The following LGSN variants were observed in gnomAD, a reference collection of about 807,000 sequenced individuals.
The protein encoded by LGSN is lengsin.
Under a neutral mutation model 19.5 loss-of-function variants are expected in LGSN, and 21 were observed. The ratio of observed to expected loss-of-function variants is 1.07; its 90% confidence interval spans 0.76 to 1.55. The LOEUF (loss-of-function observed/expected upper bound fraction) is 1.55. Among genes scored for constraint, LGSN ranks in the 40% most tolerant of loss-of-function variants. The pLI is 0.00. For synonymous variants in LGSN, 257 were observed against 215.6 expected (o/e 1.19, Z -1.68); for missense variants, 673 against 608.5 (o/e 1.11, Z -1.12).
the LGSN span, among the ~76,000 whole-genome samples, chr6:63,341,213 C>T: frequency 9.2e-5 from 14 of 152,172 alleles, no homozygotes; most frequent in African/African-American, 3.4e-4. Context: ...CCTCAGGCCC[C>T]TAGATGGCAC....
chr6:63,280,284 T>G lies in LGSN; in HGVS notation c.1267A>C (p.Thr423Pro). 6.2e-7 allele frequency: 1 copy of G among 1,614,238 alleles called. No homozygotes were observed. Among genetic ancestry groups the G allele is most frequent in the Non-Finnish European group, 8.5e-7 (1 of 1,180,034 alleles). Residue 423 changes from threonine to proline, a missense_variant, in exon 4 of 4, where the codon ACT becomes CCT. Physicochemically the swap from Thr to Pro is conservative, Grantham distance 38 (BLOSUM62 -1). Coordinates refer to ENST00000370657, the MANE Select transcript of LGSN (RefSeq NM_016571.3). ...AGTCCATCTAAGCCGGCAGCAACAG[T>G]TGCAGCCAGCACCAAGTAAGGGTTT... ...TANPYLVLAA[T>P]VAAGLDGLHS...
chr6:63,413,835 G>A, the LGSN span, among the ~76,000 whole-genome samples: 12 of 152,078 alleles, frequency 7.9e-5, no homozygotes, highest in Non-Finnish European at 1.3e-4. Flanking sequence ...ATAGAGTTCC[G>A]ATTATCCTTT....
At chr6:63,491,104 AATGTTTTACCAACTATCTGGC>A in the LGSN span, among the ~76,000 whole-genome samples, 1 of 152,114 alleles carries the variant, frequency 6.6e-6, no homozygotes, top group Admixed American at 6.6e-5. Context: ...ATTCAGAAAT[AATGTTTTACCAACTATCTGGC>A]CCTTTCCCAG....
At chr6:63,452,054 CT>C in the LGSN span, among the ~76,000 whole-genome samples, 64,248 of 131,670 alleles carry the variant, frequency 0.49, 15,871 homozygotes, top group Middle Eastern at 0.58. Flanking sequence ...GTTTTCTTGT[CT>C]TTTTTTTTTT....
At chr6:63,385,810 T>C in the LGSN span, among the ~76,000 whole-genome samples, 3 of 152,218 alleles carry the variant, frequency 2.0e-5, no homozygotes, top group African/African-American at 7.2e-5. Context: ...GATAAGCTAA[T>C]AACCTATCTT....
the LGSN span, among the ~76,000 whole-genome samples, chr6:63,561,223 T>C: frequency 6.6e-6 from 1 of 152,170 alleles, no homozygotes. Context: ...CTGCATCACA[T>C]AATACTTGTA....
chr6:63,407,657 A>G, the LGSN span, among the ~76,000 whole-genome samples: 6 of 152,196 alleles, frequency 3.9e-5, no homozygotes, highest in Non-Finnish European at 8.8e-5. Context: ...CCTATTCAAC[A>G]TAGTGTTGGA....
At chr6:63,518,987 T>TA in the LGSN span, among the ~76,000 whole-genome samples, 2 of 152,212 alleles carry the variant, frequency 1.3e-5, no homozygotes, top group Non-Finnish European at 2.9e-5. Flanking sequence ...ATCACTGTAG[T>TA]AAAGCATGTG....
the LGSN span, among the ~76,000 whole-genome samples, chr6:63,523,022 G>A: frequency 3.9e-5 from 6 of 151,922 alleles, no homozygotes; most frequent in East Asian, 9.8e-4. Context: ...GTGCCACCAC[G>A]CTGATCTAAT....
At chr6:63,509,324 C>CA in the LGSN span, among the ~76,000 whole-genome samples, 1 of 151,920 alleles carries the variant, frequency 6.6e-6, no homozygotes, top group Non-Finnish European at 1.5e-5. Flanking sequence ...CTTGGCCTCT[C>CA]AAAGTGCTAG....
intron 1 of LGSN, among the ~76,000 whole-genome samples, chr6:63,300,179 GGTT>G (rs1768128416): frequency 6.6e-6 from 1 of 152,140 alleles, no homozygotes; most frequent in Admixed American, 6.5e-5. Context: ...TGCTGAGAGG[GGTT>G]GGATCCTCCA....
At chr6:63,550,059 T>C in the LGSN span, among the ~76,000 whole-genome samples, 1 of 152,214 alleles carries the variant, frequency 6.6e-6, no homozygotes, top group African/African-American at 2.4e-5. Context: ...CATATCACTA[T>C]GTACTCCATA....
At chr6:63,365,589 A>G in the LGSN span, among the ~76,000 whole-genome samples, 2 of 148,336 alleles carry the variant, frequency 1.3e-5, no homozygotes, top group Non-Finnish European at 2.9e-5. Flanking sequence ...TCATTTTATG[A>G]GGCCAGCATC....
At chr6:63,353,482 G>A in the LGSN span, among the ~76,000 whole-genome samples, 1 of 148,528 alleles carries the variant, frequency 6.7e-6, no homozygotes, top group Admixed American at 6.9e-5. Flanking sequence ...AACCATAACA[G>A]AACGTAAGGT....
At chr6:63,491,809 T>A in the LGSN span, among the ~76,000 whole-genome samples, 921 of 152,224 alleles carry the variant, frequency 6.1e-3, 6 homozygotes, top group South Asian at 0.025. Context: ...GGCGGGCGGA[T>A]CTCCTGAGGT....
chr6:63,374,919 G>A, the LGSN span, among the ~76,000 whole-genome samples: 1 of 152,022 alleles, frequency 6.6e-6, no homozygotes, highest in South Asian at 2.1e-4. Context: ...TGTAATAAAA[G>A]GAAATTGTGA....
chr6:63,382,753 T>C, the LGSN span, among the ~76,000 whole-genome samples: 3 of 152,236 alleles, frequency 2.0e-5, no homozygotes, highest in Non-Finnish European at 2.9e-5. Context: ...GACTCAATAC[T>C]TCCCAATAAA....
At chr6:63,561,034 T>C in the LGSN span, among the ~76,000 whole-genome samples, 1 of 152,206 alleles carries the variant, frequency 6.6e-6, no homozygotes, top group African/African-American at 2.4e-5. Flanking sequence ...AATAATTCCT[T>C]TACAGGATCA....
the LGSN span, among the ~76,000 whole-genome samples, chr6:63,491,244 C>A: frequency 6.6e-6 from 1 of 152,178 alleles, no homozygotes; most frequent in Non-Finnish European, 1.5e-5. Context: ...AGCACTTTAA[C>A]CTGGAGTGTA....
Sources: allele counts gnomAD v4.1 joint callset (sites outside exome capture counted in the v4.1 genomes callset), GRCh38; gene constraint gnomAD v4.1.1; transcripts MANE v1.5; gene names NCBI Gene and HGNC (gene_info 2026-07-23, HGNC 2026-07-21).